The following CREB5 variants were observed in gnomAD, a reference collection of about 807,000 sequenced individuals.
CREB5 encodes the protein cyclic AMP-responsive element-binding protein 5.
Under a neutral mutation model 57.1 loss-of-function variants are expected in CREB5, and 19 were observed. The observed-to-expected ratio is 0.33, with a 90% CI of 0.23 to 0.49. The LOEUF (loss-of-function observed/expected upper bound fraction) is 0.49. Among genes scored for constraint, CREB5 ranks in the 20% least tolerant of loss-of-function variants. The pLI is 0.99. For synonymous variants in CREB5, 238 were observed against 238.3 expected (o/e 1.00, Z 0.01); for missense variants, 579 against 671.6 (o/e 0.86, Z 1.52).
intron 5 of CREB5, among the ~76,000 whole-genome samples, chr7:28,617,692 G>A (rs1436892406): frequency 2.6e-5 from 4 of 152,180 alleles, no homozygotes; most frequent in Non-Finnish European, 4.4e-5. Flanking sequence ...ATGAGAGTTG[G>A]AAGCTGTCCC....
intron 1 of CREB5, among the ~76,000 whole-genome samples, chr7:28,388,916 A>T (rs1787159936): frequency 6.6e-6 from 1 of 152,222 alleles, no homozygotes; most frequent in Non-Finnish European, 1.5e-5. Context: ...GCTGTGAGAT[A>T]AGAAGACTGC....
chr7:28,697,710 G>A (rs556561445), intron 5 of CREB5, among the ~76,000 whole-genome samples: 2 of 152,210 alleles, frequency 1.3e-5, no homozygotes, highest in Non-Finnish European at 2.9e-5. Flanking sequence ...GATTTTTGCT[G>A]TAGGACCATC....
chr7:28,569,328 T>G (rs1277504055), intron 4 of CREB5, among the ~76,000 whole-genome samples: 1 of 152,044 alleles, frequency 6.6e-6, no homozygotes, highest in Non-Finnish European at 1.5e-5. Flanking sequence ...TACACCGCTT[T>G]CTCTTTCTTT....
chr7:28,771,904 GC>G (rs1806346898), intron 7 of CREB5, among the ~76,000 whole-genome samples: 1 of 152,180 alleles, frequency 6.6e-6, no homozygotes, highest in African/African-American at 2.4e-5. Context: ...AACTCAGGGA[GC>G]ATCCCAGCCT....
chr7:28,682,376 G>T (rs894704139), intron 5 of CREB5, among the ~76,000 whole-genome samples: 1 of 152,264 alleles, frequency 6.6e-6, no homozygotes, highest in Non-Finnish European at 1.5e-5. Context: ...ATGACACCAT[G>T]TGGGTGTGCA....
At chr7:28,364,998 G>T (rs1786558345) in intron 1 of CREB5, among the ~76,000 whole-genome samples, 1 of 152,026 alleles carries the variant, frequency 6.6e-6, no homozygotes, top group Non-Finnish European at 1.5e-5. Context: ...TATTCTTGGT[G>T]ACACCAACTT....
intron 5 of CREB5, among the ~76,000 whole-genome samples, chr7:28,588,477 G>T (rs1229157709): frequency 6.6e-6 from 1 of 152,148 alleles, no homozygotes; most frequent in Non-Finnish European, 1.5e-5. Flanking sequence ...GGGCACAAAG[G>T]GTTGAAAGAG....
intron 1 of CREB5, among the ~76,000 whole-genome samples, chr7:28,423,530 G>A (rs1788365069): frequency 6.6e-6 from 1 of 152,170 alleles, no homozygotes; most frequent in Admixed American, 6.5e-5. Flanking sequence ...AGAGGCAAGA[G>A]CAGTATGACT....
chr7:28,691,145 C>A (rs962464599), intron 5 of CREB5, among the ~76,000 whole-genome samples: 1 of 152,104 alleles, frequency 6.6e-6, no homozygotes, highest in African/African-American at 2.4e-5. Context: ...GTAGGCCAGG[C>A]GTGGTGACTT....
At chr7:28,386,049 G>A (rs573942951) in intron 1 of CREB5, among the ~76,000 whole-genome samples, 33 of 152,126 alleles carry the variant, frequency 2.2e-4, no homozygotes, top group Admixed American at 2.0e-3. Context: ...ACTAATTTGG[G>A]GCAACCTTTT....
At chr7:28,608,848 C>G (rs1165387568) in intron 5 of CREB5, among the ~76,000 whole-genome samples, 1 of 152,092 alleles carries the variant, frequency 6.6e-6, no homozygotes, top group Non-Finnish European at 1.5e-5. Context: ...TTGTCTGGCT[C>G]AAATAAGAGA....
chr7:28,680,674 A>T lies in CREB5; in HGVS notation c.465-38079A>T, dbSNP rs547591287. On this transcript the variant is annotated intron_variant, in intron 5 of 10. Transcript: ENST00000357727. Reference sequence around the variant, plus strand: ...CTCAGAAGGCCGAGGTGGGGGAATCATTTGAGCCCAGGAGGTCAAGGCTAC... The same window carrying T: ...CTCAGAAGGCCGAGGTGGGGGAATCTTTTGAGCCCAGGAGGTCAAGGCTAC... Among the ~76,000 whole-genome samples, 58 of 151,658 alleles carry T rather than the reference A, an allele frequency of 3.8e-4. 2 individuals are homozygous for T. Among genetic ancestry groups the T allele is most frequent in the African/African-American group, 1.4e-3 (56 of 41,332 alleles).
chr7:28,440,041 T>A (rs1434756749), intron 1 of CREB5, among the ~76,000 whole-genome samples: 2 of 152,176 alleles, frequency 1.3e-5, no homozygotes, highest in Non-Finnish European at 2.9e-5. Flanking sequence ...TTCTGGGATA[T>A]CAGTTGAAAA....
At chr7:28,409,875 G>A (rs759197768), upstream of CREB5, 1 of 455,124 alleles carries the variant, frequency 2.2e-6, no homozygotes, top group South Asian at 1.6e-5. This position sits in a 1 kb window ranked among gnomAD's most constrained non-coding sequence, Gnocchi z 4.4. Flanking sequence ...TTATGAATCG[G>A]GGGTGTGTGT....
At chr7:28,699,081 T>C (rs886391935) in intron 5 of CREB5, among the ~76,000 whole-genome samples, 4 of 152,094 alleles carry the variant, frequency 2.6e-5, no homozygotes, top group African/African-American at 9.7e-5. Context: ...TCTGTGAGGC[T>C]GCCTTGTCTC....
intron 3 of CREB5, among the ~76,000 whole-genome samples, chr7:28,503,241 G>A (rs1018152312): frequency 6.6e-6 from 1 of 152,198 alleles, no homozygotes; most frequent in African/African-American, 2.4e-5. Flanking sequence ...ATTTACAGAG[G>A]CAGTGATTCC....
intron 5 of CREB5, among the ~76,000 whole-genome samples, chr7:28,608,123 TCA>T (rs1200162382): frequency 0.15 from 10,420 of 68,134 alleles, 453 homozygotes; most frequent in South Asian, 0.29. Context: ...TCACACACAC[TCA>T]CACACACACA....
At chr7:28,368,714 A>G (rs987685372) in intron 1 of CREB5, among the ~76,000 whole-genome samples, 2 of 152,216 alleles carry the variant, frequency 1.3e-5, no homozygotes, top group Non-Finnish European at 2.9e-5. Context: ...ATGCTAGCTC[A>G]TTACCCTATA....
At chr7:28,720,507 A>G (rs1041689253) in intron 6 of CREB5, among the ~76,000 whole-genome samples, 1 of 152,212 alleles carries the variant, frequency 6.6e-6, no homozygotes, top group Non-Finnish European at 1.5e-5. Flanking sequence ...AGCTCAGATC[A>G]TCCCAGGTTG....
Sources: gnomAD v4.1 joint callset for allele counts (sites outside exome capture counted in the v4.1 genomes callset) on GRCh38, gnomAD v4.1.1 for gene constraint, Gnocchi (gnomAD v3.1) non-coding constraint, MANE v1.5 for transcripts, NCBI Gene and HGNC (gene_info 2026-07-23, HGNC 2026-07-21) for gene names.